CACHD1: variants seen among roughly 807,000 people sequenced by gnomAD.
CACHD1 encodes VWFA and cache domain-containing protein 1.
A neutral mutation model predicts 138.7 loss-of-function variants in CACHD1; 71 were observed. That is an observed-to-expected ratio of 0.51 (90% confidence interval 0.42 to 0.62). The LOEUF (loss-of-function observed/expected upper bound fraction) is 0.62, where lower values mean the gene tolerates loss of function less well. CACHD1 is among the 20% of genes least tolerant of loss of function. The pLI is 0.00. For synonymous variants in CACHD1, 578 were observed against 591.5 expected (o/e 0.98, Z 0.33); for missense variants, 1,389 against 1,625.3 (o/e 0.85, Z 2.50).
intron 4 of CACHD1, among the ~76,000 whole-genome samples, chr1:64,606,181 T>G (rs9699613): frequency 6.6e-6 from 1 of 150,592 alleles, no homozygotes; most frequent in Non-Finnish European, 1.5e-5. Flanking sequence ...CCAGGAGACA[T>G]AGAAACAAGT....
intron 1 of CACHD1, among the ~76,000 whole-genome samples, chr1:64,480,088 T>C (rs1646199669): frequency 1.3e-5 from 2 of 152,222 alleles, no homozygotes; most frequent in South Asian, 4.1e-4. Context: ...CCCAGTGTGG[T>C]CCCTCCTGTG....
intron 1 of CACHD1, among the ~76,000 whole-genome samples, chr1:64,516,617 T>A (rs1222870443): frequency 6.6e-6 from 1 of 152,210 alleles, no homozygotes; most frequent in Non-Finnish European, 1.5e-5. Flanking sequence ...CTTAAAACAG[T>A]CTTGCACGAT....
intron 19 of CACHD1, among the ~76,000 whole-genome samples, chr1:64,674,759 A>C (rs1649928064): frequency 6.6e-6 from 1 of 152,210 alleles, no homozygotes. Flanking sequence ...AAATGATTAC[A>C]TGCAACTCTA....
chr1:64,549,150 A>G (rs1646740183), intron 1 of CACHD1, among the ~76,000 whole-genome samples: 1 of 152,214 alleles, frequency 6.6e-6, no homozygotes, highest in Non-Finnish European at 1.5e-5. Flanking sequence ...CTTGGTAAAT[A>G]TGCTTCAGTT....
intron 4 of CACHD1, among the ~76,000 whole-genome samples, chr1:64,615,676 C>T (rs866821622): frequency 2.0e-5 from 3 of 152,014 alleles, no homozygotes; most frequent in East Asian, 1.9e-4. Context: ...TGAAGGACTT[C>T]GGTGAAAAAA....
rs1221356904 is a variant in CACHD1 at position 64,689,728 on chromosome 1, A to G, written c.3587-1595A>G. Among the ~76,000 whole-genome samples the G allele has an allele frequency of 4.6e-5, 7 of 152,266 alleles. No homozygotes were observed. The East Asian group carries it at 1.2e-3, about 25-fold the overall frequency. On this transcript the variant is annotated intron_variant, in intron 26 of 26. Transcript: ENST00000651257. ...CTCATCCAAGCCACATGGAACAGGG[A>G]TGGCCTTTATATCCACACCTCTATG...
At chr1:64,512,393 C>CAAAAAAAAAAAAAAAAAAAAAAAAAA (rs551616431) in intron 1 of CACHD1, among the ~76,000 whole-genome samples, 4 of 78,598 alleles carry the variant, frequency 5.1e-5, no homozygotes, top group African/African-American at 1.9e-4. Context: ...GACTGTGTCT[C>CAAAAAAAAAAAAAAAAAAAAAAAAAA]AAAAAAAAAA....
intron 4 of CACHD1, among the ~76,000 whole-genome samples, chr1:64,604,929 G>T (rs1418359916): frequency 6.7e-6 from 1 of 148,430 alleles, no homozygotes; most frequent in Non-Finnish European, 1.5e-5. Flanking sequence ...GGGATTACAG[G>T]CATGAGCCAC....
intron 5 of CACHD1, among the ~76,000 whole-genome samples, chr1:64,629,859 T>C (rs980054691): frequency 3.9e-5 from 6 of 152,224 alleles, no homozygotes; most frequent in African/African-American, 1.4e-4. Flanking sequence ...TAGTTTGTTA[T>C]ACTCAACTTC....
chr1:64,589,590 A>G (rs763470979), intron 3 of CACHD1, among the ~76,000 whole-genome samples: 6 of 151,902 alleles, frequency 3.9e-5, no homozygotes, highest in Non-Finnish European at 7.4e-5. Context: ...CAAGCTGGAG[A>G]CTCAAAGGAG....
chr1:64,664,842 A>C (rs1557546670), intron 15 of CACHD1, among the ~76,000 whole-genome samples, 163 bp downstream of exon 15: 1 of 152,242 alleles, frequency 6.6e-6, no homozygotes, highest in Non-Finnish European at 1.5e-5. Context: ...CATTAACAAC[A>C]GCTTTGTGGG....
rs749564949 is a variant in CACHD1, at chr1:64,671,585, C to T, written c.2409C>T (p.His803=). ...HSSSTQLSSG[H]TVAVMGIDFT... Reference sequence around the variant, plus strand: ...AAAGTACACAGCTGTCTTCTGGGCACACTGTGGCTGTGATGGGCATTGACT... The same window carrying T: ...AAAGTACACAGCTGTCTTCTGGGCATACTGTGGCTGTGATGGGCATTGACT... Residue 803 remains histidine, a synonymous_variant, in exon 17 of 27, where the codon CAC becomes CAT. Transcript: ENST00000651257. 1.2e-5 allele frequency: 20 copies of T among 1,613,908 alleles called. No individual in the cohort carries two copies. The highest frequency in any genetic ancestry group is 2.2e-5 in the East Asian group (1 of 44,886).
At chr1:64,551,587 C>T (rs1570358658) in intron 2 of CACHD1, among the ~76,000 whole-genome samples, 1 of 152,134 alleles carries the variant, frequency 6.6e-6, no homozygotes, top group Non-Finnish European at 1.5e-5. Context: ...AAACTGCATA[C>T]GATTTTGAAC....
chr1:64,573,363 AC>A (rs962620233), intron 2 of CACHD1, among the ~76,000 whole-genome samples: 10 of 152,322 alleles, frequency 6.6e-5, no homozygotes, highest in African/African-American at 2.2e-4. Context: ...CTCACCACAC[AC>A]TGAATCTGCT....
chr1:64,671,861 A>T (rs1649828165), intron 17 of CACHD1, among the ~76,000 whole-genome samples, 175 bp downstream of exon 17: 1 of 152,100 alleles, frequency 6.6e-6, no homozygotes, highest in Non-Finnish European at 1.5e-5. Context: ...TTTTTCTGAG[A>T]TGCATACTGT....
intron 8 of CACHD1, among the ~76,000 whole-genome samples, chr1:64,643,830 T>G (rs1210528503): frequency 2.6e-5 from 4 of 152,108 alleles, no homozygotes; most frequent in African/African-American, 9.7e-5. Context: ...AGAGCAAGAC[T>G]CCAAAAGAAT....
chr1:64,678,467 T>C (rs191753819), intron 23 of CACHD1, among the ~76,000 whole-genome samples, 157 bp downstream of exon 23: 1 of 152,324 alleles, frequency 6.6e-6, no homozygotes, highest in East Asian at 1.9e-4. Flanking sequence ...CCTTCAGAAC[T>C]GGCTAAATAT....
chr1:64,614,445 GT>G (rs2100602402), intron 4 of CACHD1, among the ~76,000 whole-genome samples: 1 of 151,960 alleles, frequency 6.6e-6, no homozygotes. Context: ...CCTATGGGTT[GT>G]TCTTCTTTGG....
chr1:64,505,447 C>T (rs1425167974), intron 1 of CACHD1, among the ~76,000 whole-genome samples: 1 of 152,122 alleles, frequency 6.6e-6, no homozygotes, highest in Non-Finnish European at 1.5e-5. Context: ...TTTCCTGGGC[C>T]TCGGAGAGCG....
Sources: allele counts gnomAD v4.1 joint callset (sites outside exome capture counted in the v4.1 genomes callset), GRCh38; gene constraint gnomAD v4.1.1; transcripts MANE v1.5; gene names NCBI Gene and HGNC (gene_info 2026-07-23, HGNC 2026-07-21).